Variants in ALOX15B observed in about 807,000 individuals in gnomAD.
ALOX15B encodes polyunsaturated fatty acid lipoxygenase ALOX15B.
In ALOX15B, 74 loss-of-function variants were observed where a neutral mutation model predicts 73.8. The observed-to-expected ratio is 1.00, with a 90% CI of 0.83 to 1.22. ALOX15B has a LOEUF of 1.22. ALOX15B is among the 50% of genes most tolerant of loss of function. ALOX15B has a pLI of 0.00. For synonymous variants in ALOX15B, 353 were observed against 357.2 expected, an observed-to-expected ratio of 0.99 and a Z score of 0.13; for missense variants, 896 against 859.9, an observed-to-expected ratio of 1.04 and a Z score of -0.52.
intron 3 of ALOX15B, among the ~76,000 whole-genome samples, chr17:8,041,291 G>A (rs4411555): frequency 0.033 from 5,078 of 152,248 alleles, 167 homozygotes; most frequent in East Asian, 0.15. Flanking sequence ...TACCAATCTC[G>A]TTTGGGTTAG....
Position 8,042,401 on chromosome 17 carries a change from G to A in ALOX15B, c.482G>A (p.Cys161Tyr). Residue 161 changes from cysteine to tyrosine, a missense_variant, in exon 4 of 14, where the codon TGC (cysteine) becomes TAC (tyrosine). Cys to Tyr is a radical substitution (Grantham distance 194). Coordinates refer to ENST00000380183, the MANE Select transcript of ALOX15B (RefSeq NM_001141.3). ...GCTTACAACCCAGGTTGGCCTCACT[G>A]CCTGGATGAAAAGACAGTGGAAGAC... ...WKAYNPGWPH[C>Y]LDEKTVEDLE... 1 of 1,614,132 alleles carries A rather than the reference G, an allele frequency of 6.2e-7. No individual in the cohort carries two copies. Among genetic ancestry groups the A allele is most frequent in the Middle Eastern group, 1.7e-4 (1 of 5,990 alleles).
intron 5 of ALOX15B, among the ~76,000 whole-genome samples, chr17:8,043,581 A>G (rs1330617541): frequency 3.9e-5 from 6 of 152,092 alleles, no homozygotes; most frequent in Non-Finnish European, 8.8e-5. Context: ...CCAGCAGGGG[A>G]ATAATGTGGT....
In ALOX15B at chr17:8,042,890, G is replaced by T. The variant is rs1350042755; in HGVS notation, c.676+6G>T. 1 of 1,550,504 alleles carries T rather than the reference G, an allele frequency of 6.4e-7. No individual in the cohort carries two copies. The highest frequency in any genetic ancestry group is 1.2e-5 in the South Asian group (1 of 84,036). On this transcript the variant is annotated splice_donor_region_variant and intron_variant, in intron 5 of 13. Coordinates refer to ENST00000380183, the MANE Select transcript of ALOX15B (RefSeq NM_001141.3). ...CCGGAGGACCCCAGCAGCTGGTGAG[G>T]AGCTTGGGCCAGGGATCCTGACCTC...
In ALOX15B at chr17:8,047,762, G is replaced by A. The variant is rs1976653211; in HGVS notation, c.1698G>A (p.Trp566Ter). 6.2e-7 allele frequency: 1 copy of A among 1,614,112 alleles called. No homozygotes were observed. Among genetic ancestry groups the A allele is most frequent in the Non-Finnish European group, 8.5e-7 (1 of 1,180,016 alleles). ...VSAGQFDSCA[W>*]MPNLPPSMQL... Reference sequence around the variant, plus strand: ...GCCTTCAGTTTGACTCCTGTGCTTGGATGCCCAACCTGCCACCCAGCATGC... The same window carrying A: ...GCCTTCAGTTTGACTCCTGTGCTTGAATGCCCAACCTGCCACCCAGCATGC... Residue 566 changes from tryptophan to a stop codon, truncating the protein, a stop_gained, in exon 13 of 14, where the codon TGG (tryptophan) becomes TGA (stop). Coordinates refer to ENST00000380183, the MANE Select transcript of ALOX15B (RefSeq NM_001141.3). LOFTEE classifies it high-confidence loss of function.
intron 6 of ALOX15B, 118 bp downstream of exon 6, chr17:8,045,119 G>T: frequency 6.3e-7 from 1 of 1,585,418 alleles, no homozygotes; most frequent in Non-Finnish European, 8.6e-7. Flanking sequence ...CGTGCTGCGT[G>T]CCAAGCACAC....
intron 3 of ALOX15B, among the ~76,000 whole-genome samples, chr17:8,040,646 A>AGAAG (rs1555638500): frequency 1.5e-3 from 184 of 123,382 alleles, no homozygotes; most frequent in South Asian, 4.8e-3. Context: ...AAAGAAAGAA[A>AGAAG]GAAAGAAAAG....
In ALOX15B at chr17:8,046,769, G is replaced by C. The variant is rs753827024; in HGVS notation, c.1287+15G>C. The C allele has an allele frequency of 4.9e-5, 79 of 1,613,280 alleles. No individual in the cohort carries two copies. The highest frequency in any genetic ancestry group is 6.6e-5 in the Non-Finnish European group (78 of 1,179,748). On this transcript the variant is annotated intron_variant, in intron 9 of 13. Coordinates refer to ENST00000380183, the MANE Select transcript of ALOX15B (RefSeq NM_001141.3). ...TGGTGGACAGGGTGAGAGCTGTGTTGGGGAGGGAGTAGGCAGGCCACTCCT... is the reference window on the plus strand; with the variant it reads ...TGGTGGACAGGGTGAGAGCTGTGTTCGGGAGGGAGTAGGCAGGCCACTCCT...
rs1976683863 is a variant in ALOX15B at position 8,048,775 on chromosome 17, CAG to C, written c.*213_*214del. 7 of 554,072 alleles carry C rather than the reference CAG, an allele frequency of 1.3e-5. No homozygotes were observed. In the East Asian group the frequency reaches 1.8e-4, roughly 14 times the overall value. 34.3% of individuals were successfully genotyped at this position (554,072 alleles called of 1,614,324 possible). A position where few individuals can be genotyped will look rare whatever the true frequency, so the allele number is the denominator to read the frequency against. The stretch of plus-strand genomic sequence containing the variant: ...GAGAAAGCAGAAAATCTACCAAGAA[CAG>C]AGTCTCAGGACAGAACCACTGAGTC... On this transcript the variant is annotated 3_prime_UTR_variant, in exon 14 of 14. Coordinates refer to ENST00000380183, the MANE Select transcript of ALOX15B (RefSeq NM_001141.3).
At chr17:8,040,601 G>GAGAGAGAGAAAGAA (rs1555638441) in intron 3 of ALOX15B, among the ~76,000 whole-genome samples, 115 of 109,526 alleles carry the variant, frequency 1.0e-3, no homozygotes, top group Admixed American at 6.1e-3. Context: ...AAGAAAGAGA[G>GAGAGAGAGAAAGAA]AGAAAGAAAG....
rs1001108602 is a variant in ALOX15B at position 8,039,464 on chromosome 17, C to T, written c.226C>T (p.Leu76=). The stretch of plus-strand genomic sequence containing the variant: ...GCGCGTGCACAAGGCGCCCCCAGTG[C>T]TGCCCCTGCTGGGGCCCCTGGCCCC... The part of the protein sequence containing the change: ...LLRVHKAPPV[L]PLLGPLAPDA... The change falls in exon 2 of 14, where the codon CTG becomes TTG. Residue 76 remains leucine, a synonymous_variant. Coordinates refer to ENST00000380183, the MANE Select transcript of ALOX15B (RefSeq NM_001141.3). 3.1e-6 allele frequency: 5 copies of T among 1,602,644 alleles called. No homozygotes were observed. The highest frequency in any genetic ancestry group is 3.4e-6 in the Non-Finnish European group (4 of 1,175,850).
chr17:8,042,230 G>A (rs531028078), intron 3 of ALOX15B, 139 bp from the exon 4 acceptor site: 67 of 1,060,238 alleles, frequency 6.3e-5, no homozygotes, highest in Admixed American at 1.4e-4. Context: ...TAGAATGGAA[G>A]GGCAGCTCCC....
chr17:8,042,630 A>G (rs1976492457), intron 4 of ALOX15B, 139 bp downstream of exon 4: 2 of 1,379,832 alleles, frequency 1.4e-6, no homozygotes, highest in Non-Finnish European at 2.0e-6. Context: ...CCTTCCCACT[A>G]CCAATCCCAC....
intron 3 of ALOX15B, among the ~76,000 whole-genome samples, chr17:8,041,920 T>C (rs1416587201): frequency 6.6e-6 from 1 of 152,166 alleles, no homozygotes; most frequent in Non-Finnish European, 1.5e-5. Flanking sequence ...GAACAAAAGC[T>C]AACTCCAACT....
chr17:8,048,367 C>A lies in ALOX15B; in HGVS notation c.1852-19C>A, dbSNP rs878897270. On this transcript the variant is annotated intron_variant, in intron 13 of 13. Transcript: ENST00000380183. Reference sequence around the variant, plus strand: ...GGACCTCAGCAGCCGCCTCACCCAACCTTGTGGTGGATCCTCAGAGGCCCC... The same window carrying A: ...GGACCTCAGCAGCCGCCTCACCCAAACTTGTGGTGGATCCTCAGAGGCCCC... 9 of 1,605,346 alleles carry A rather than the reference C, an allele frequency of 5.6e-6. No individual in the cohort carries two copies. Among genetic ancestry groups the A allele is most frequent in the Middle Eastern group, 1.7e-4 (1 of 6,012 alleles).
Position 8,047,577 on chromosome 17 carries a change from A to G in ALOX15B, c.1593A>G (p.Ser531=), listed in dbSNP as rs373985444. ...LNQESSGIPS[S]LETREALVQY... is the part of the protein sequence containing the mutation. ...CTCTCCTTGCAGGTATACCCTCCTCACTGGAGACCCGGGAAGCCCTGGTGC... is the reference window on the plus strand; with the variant it reads ...CTCTCCTTGCAGGTATACCCTCCTCGCTGGAGACCCGGGAAGCCCTGGTGC... Residue 531 remains serine (S), a synonymous_variant, in exon 12 of 14, where the codon TCA becomes TCG. Coordinates refer to ENST00000380183, the MANE Select transcript of ALOX15B (RefSeq NM_001141.3). 137 of 1,605,794 alleles carry G rather than the reference A, an allele frequency of 8.5e-5. No individual in the cohort carries two copies. The highest frequency in any genetic ancestry group is 8.2e-5 in the Non-Finnish European group (97 of 1,176,304).
At position 8,048,796 on chromosome 17, in the gene ALOX15B, C is replaced by T. The variant is rs1976684411; in HGVS notation, c.*231C>T. On this transcript the variant is annotated 3_prime_UTR_variant, in exon 14 of 14. Coordinates refer to ENST00000380183, the MANE Select transcript of ALOX15B (RefSeq NM_001141.3). ...AGAACAGAGTCTCAGGACAGAACCA[C>T]TGAGTCTTTTGGAGGCTCCAAGCCT... 2.1e-6 allele frequency: 1 copy of T among 466,874 alleles called. No individual in the cohort carries two copies. Among genetic ancestry groups the T allele is most frequent in the Non-Finnish European group, 3.7e-6 (1 of 270,688 alleles). 28.9% of individuals were successfully genotyped at this position (466,874 alleles called of 1,614,324 possible).
In ALOX15B at chr17:8,039,134, G is replaced by A. The variant is rs773956625; in HGVS notation, c.-22G>A. The A allele has an allele frequency of 6.2e-6, 10 of 1,610,490 alleles. No individual in the cohort carries two copies. In the South Asian group the frequency reaches 1.1e-4, roughly 18 times the overall value. On this transcript the variant is annotated 5_prime_UTR_variant, in exon 1 of 14. Coordinates refer to ENST00000380183, the MANE Select transcript of ALOX15B (RefSeq NM_001141.3). ...GCTCTGCAGCCCTGTGCGCCGTAGA[G>A]AGCTGGACTTAGGCTGGCAGCATGG...
intron 11 of ALOX15B, 87 bp from the exon 12 acceptor site, chr17:8,047,477 C>T: frequency 6.4e-7 from 1 of 1,572,312 alleles, no homozygotes; most frequent in South Asian, 1.1e-5. Flanking sequence ...GTCCCCGTGT[C>T]CCCCACCCTC....
At chr17:8,042,275 G>T (rs7503115) in intron 3 of ALOX15B, 94 bp from the exon 4 acceptor site, 537,952 of 1,498,966 alleles carry the variant, frequency 0.36, 99,870 homozygotes, top group Non-Finnish European at 0.39. Flanking sequence ...GTCTGGCTGT[G>T]ACCAGGCCCC....
Sources: allele counts gnomAD v4.1 joint callset (sites outside exome capture counted in the v4.1 genomes callset), GRCh38; gene constraint gnomAD v4.1.1; transcripts MANE v1.5; gene names NCBI Gene and HGNC (gene_info 2026-07-23, HGNC 2026-07-21).